Variants in CD163L1 observed in about 807,000 individuals in gnomAD.
CD163L1 encodes scavenger receptor cysteine-rich type 1 protein M160.
CD163L1 carries 124 observed loss-of-function variants against 165.4 expected under a neutral mutation model. The ratio of observed to expected loss-of-function variants is 0.75; its 90% CI spans 0.65 to 0.87. CD163L1 has a LOEUF of 0.87. CD163L1 is among the 40% of genes least tolerant of loss of function. The probability of loss-of-function intolerance (pLI) is 0.00; values close to 1 mark genes in which losing one functional copy is unlikely to be tolerated. For synonymous variants in CD163L1, 585 were observed against 662.2 expected, an observed-to-expected ratio of 0.88 and a Z score of 1.79; for missense variants, 1,525 against 1,799.9, an observed-to-expected ratio of 0.85 and a Z score of 2.76.
intron 4 of CD163L1, among the ~76,000 whole-genome samples, chr12:7,422,342 C>T (rs1378903770): frequency 7.2e-5 from 11 of 152,066 alleles, no homozygotes; most frequent in Admixed American, 4.6e-4. Flanking sequence ...GAAAAACCAG[C>T]GCATAAATGC....
At chr12:7,335,644 C>T in the CD163L1 span, among the ~76,000 whole-genome samples, 1 of 152,072 alleles carries the variant, frequency 6.6e-6, no homozygotes, top group African/African-American at 2.4e-5. Flanking sequence ...CAACAAAAGG[C>T]AAAATTGACA....
chr12:7,324,303 AGAG>A, the CD163L1 span: 10 of 1,613,528 alleles, frequency 6.2e-6, no homozygotes, highest in African/African-American at 4.0e-5. Flanking sequence ...TGCCACGATA[AGAG>A]GAGATTTTTA....
intron 2 of CD163L1, among the ~76,000 whole-genome samples, chr12:7,434,852 T>C (rs999876359): frequency 6.6e-6 from 1 of 152,140 alleles, no homozygotes; most frequent in Admixed American, 6.5e-5. Context: ...TGAAAGTGGA[T>C]TGTGAGTTAA....
chr12:7,395,312 G>A (rs1000744417), intron 8 of CD163L1, among the ~76,000 whole-genome samples: 1 of 152,150 alleles, frequency 6.6e-6, no homozygotes, highest in African/African-American at 2.4e-5. Context: ...CATGAAGCTG[G>A]AAACCATCAT....
chr12:7,436,841 T>C (rs1179411993), intron 2 of CD163L1, among the ~76,000 whole-genome samples: 2 of 152,030 alleles, frequency 1.3e-5, no homozygotes, highest in African/African-American at 4.8e-5. Context: ...GAAAAATTAC[T>C]GAAATACAAA....
At chr12:7,441,297 G>A (rs191044183) in intron 1 of CD163L1, 51 bp from the exon 2 acceptor site, 8 of 1,317,124 alleles carry the variant, frequency 6.1e-6, no homozygotes, top group East Asian at 4.6e-5. Context: ...TCTAAGAAAT[G>A]TTAGATGACC....
At chr12:7,324,155 CAAA>C in the CD163L1 span, 3 of 1,002,098 alleles carry the variant, frequency 3.0e-6, no homozygotes, top group East Asian at 3.3e-5. Context: ...GACTCTGTCT[CAAA>C]AAAAAAAAAA....
chr12:7,366,217 G>A (rs1204632591), intron 18 of CD163L1, among the ~76,000 whole-genome samples: 6 of 152,110 alleles, frequency 3.9e-5, no homozygotes, highest in South Asian at 4.1e-4. Context: ...AAGATAGAGT[G>A]TAGATTGGTG....
chr12:7,367,098 C>T (rs980873208), intron 18 of CD163L1, 138 bp downstream of exon 18: 1 of 439,566 alleles, frequency 2.3e-6, no homozygotes, highest in Non-Finnish European at 4.1e-6. Context: ...TTTATCTATT[C>T]CCCGTTTGTT....
chr12:7,376,116 C>T, intron 9 of CD163L1, 102 bp from the exon 10 acceptor site: 2 of 975,206 alleles, frequency 2.1e-6, no homozygotes, highest in Non-Finnish European at 3.0e-6. Context: ...CTCCATTCAT[C>T]ATTAGAACAT....
intron 8 of CD163L1, among the ~76,000 whole-genome samples, chr12:7,383,974 G>T (rs1375063648): frequency 6.6e-6 from 1 of 151,994 alleles, no homozygotes; most frequent in Non-Finnish European, 1.5e-5. Flanking sequence ...TCAGCAAAAA[G>T]AAAATGGATG....
chr12:7,425,549 A>G (rs1948526697), intron 4 of CD163L1, among the ~76,000 whole-genome samples: 1 of 152,230 alleles, frequency 6.6e-6, no homozygotes, highest in South Asian at 2.1e-4. Flanking sequence ...CAGGCAACCT[A>G]CAGAATGGGA....
chr12:7,345,354 T>C (rs1056102611), downstream of CD163L1, among the ~76,000 whole-genome samples: 2 of 152,222 alleles, frequency 1.3e-5, no homozygotes, highest in African/African-American at 2.4e-5. Context: ...GAAACTTCCA[T>C]AGATCCCTAG....
At chr12:7,397,322 G>A (rs1170591829) in intron 7 of CD163L1, among the ~76,000 whole-genome samples, 1 of 152,156 alleles carries the variant, frequency 6.6e-6, no homozygotes, top group South Asian at 2.1e-4. Context: ...ACTGCAATAT[G>A]ACCTGCAAGT....
At chr12:7,406,968 T>C (rs1948034859) in intron 4 of CD163L1, 116 bp from the exon 5 acceptor site, 1 of 937,890 alleles carries the variant, frequency 1.1e-6, no homozygotes, top group Admixed American at 2.7e-5. Flanking sequence ...TCAATGAATG[T>C]CTAACTCTTG....
the CD163L1 span, among the ~76,000 whole-genome samples, chr12:7,335,631 T>C: frequency 9.9e-5 from 15 of 152,086 alleles, no homozygotes; most frequent in Admixed American, 3.3e-4. Context: ...CCAAAAGCAA[T>C]GGCAACAAAA....
At chr12:7,409,485 T>C (rs1377522320) in intron 4 of CD163L1, among the ~76,000 whole-genome samples, 2 of 151,944 alleles carry the variant, frequency 1.3e-5, no homozygotes, top group Admixed American at 6.6e-5. Flanking sequence ...TCATAGGGAG[T>C]GAGCAACCTA....
chr12:7,421,049 G>GTGTATATATA (rs1948350669), intron 4 of CD163L1, among the ~76,000 whole-genome samples: 2 of 71,594 alleles, frequency 2.8e-5, no homozygotes, highest in African/African-American at 2.2e-4. Flanking sequence ...GTATATATAT[G>GTGTATATATA]TATATACGTA....
Position 7,406,749 on chromosome 12 carries a change from C to A in CD163L1, c.870G>T (p.Lys290Asn), listed in dbSNP as rs1254242906. The A allele has an allele frequency of 6.2e-7, 1 of 1,614,064 alleles. No individual in the cohort carries two copies. The highest frequency in any genetic ancestry group is 1.7e-5 in the Admixed American group (1 of 59,990). ...CGACATCAGCTGCAGCATTGTTCCA[C>A]TTATGGTGGCATACGGTCCCCCACC... The part of the protein sequence containing the change: ...QGRWGTVCHH[K>N]WNNAAADVVC... The change falls in exon 5 of 20, where the codon AAG becomes AAT. Residue 290 changes from lysine (K) to asparagine (N), a missense_variant. Coordinates refer to ENST00000313599, the MANE Select transcript of CD163L1 (RefSeq NM_174941.6).
Sources: gnomAD v4.1 joint callset for allele counts (sites outside exome capture counted in the v4.1 genomes callset) on GRCh38, gnomAD v4.1.1 for gene constraint, MANE v1.5 for transcripts, NCBI Gene and HGNC (gene_info 2026-07-23, HGNC 2026-07-21) for gene names.